Variants in ANKS1B observed in about 807,000 individuals in gnomAD.
ANKS1B encodes the protein ankyrin repeat and sterile alpha motif domain-containing protein 1B.
Under a neutral mutation model 148.3 loss-of-function variants are expected in ANKS1B, and 36 were observed. The ratio of observed to expected loss-of-function variants is 0.24; its 90% CI spans 0.19 to 0.32. ANKS1B has a LOEUF of 0.32. ANKS1B is among the 10% of genes least tolerant of loss of function. ANKS1B has a pLI of 1.00. For missense variants in ANKS1B, 1,157 were observed against 1,542.6 expected, an observed-to-expected ratio of 0.75 and a Z score of 4.19; for synonymous variants, 542 against 560.8, an observed-to-expected ratio of 0.97 and a Z score of 0.47.
At chr12:98,823,462 T>C (rs966188458) in intron 19 of ANKS1B, among the ~76,000 whole-genome samples, 19 of 152,186 alleles carry the variant, frequency 1.2e-4, no homozygotes, top group African/African-American at 4.8e-5. Flanking sequence ...GACACAGTAA[T>C]AGGAAAACTT....
At position 99,504,465 on chromosome 12, in the gene ANKS1B, A is replaced by T. The variant is rs762871802; in HGVS notation, c.1438+11T>A. 6.3e-7 allele frequency: 1 copy of T among 1,597,250 alleles called. No individual in the cohort carries two copies. The highest frequency in any genetic ancestry group is 8.6e-7 in the Non-Finnish European group (1 of 1,168,386). On this transcript the variant is annotated intron_variant, in intron 10 of 26. Coordinates refer to ENST00000683438, the MANE Select transcript of ANKS1B (RefSeq NM_001352186.2). ...AATTGAATCAGGCCAATTGTGAGTA[A>T]GAGATATTACCAGTTCTTGGGGAAG...
At chr12:99,115,154 C>T (rs1218545868) in intron 15 of ANKS1B, among the ~76,000 whole-genome samples, 1 of 152,120 alleles carries the variant, frequency 6.6e-6, no homozygotes, top group East Asian at 1.9e-4. Context: ...ATCATCCTCC[C>T]ATAAAGACAC....
intron 15 of ANKS1B, chr12:99,097,088 G>A (rs2056427724): frequency 6.6e-6 from 1 of 152,108 alleles, no homozygotes. Flanking sequence ...GCTAAGTGTT[G>A]AATAAAATAA....
chr12:99,605,855 G>T (rs961287135), intron 9 of ANKS1B, among the ~76,000 whole-genome samples: 1 of 152,028 alleles, frequency 6.6e-6, no homozygotes, highest in African/African-American at 2.4e-5. Context: ...ATACCCTGTA[G>T]TAAGATTCCT....
intron 9 of ANKS1B, among the ~76,000 whole-genome samples, chr12:99,652,094 CAT>C (rs1390165953): frequency 1.3e-5 from 2 of 149,756 alleles, no homozygotes; most frequent in African/African-American, 2.5e-5. Flanking sequence ...TATACACACA[CAT>C]ATACACACAC....
chr12:99,126,531 T>C (rs1194974869), intron 15 of ANKS1B, among the ~76,000 whole-genome samples: 1 of 152,180 alleles, frequency 6.6e-6, no homozygotes, highest in Non-Finnish European at 1.5e-5. Flanking sequence ...TCTGAATCAC[T>C]GAGTAAAACC....
intron 1 of ANKS1B, among the ~76,000 whole-genome samples, chr12:99,883,018 A>G (rs952067342): frequency 6.6e-6 from 1 of 152,226 alleles, no homozygotes; most frequent in Non-Finnish European, 1.5e-5. Context: ...GACTAAAAGA[A>G]AGTTCTTCAG....
intron 9 of ANKS1B, among the ~76,000 whole-genome samples, chr12:99,601,599 C>G (rs1393328259): frequency 6.6e-6 from 1 of 152,030 alleles, no homozygotes; most frequent in East Asian, 1.9e-4. Flanking sequence ...ATAAGGATCA[C>G]GGTCAACACT....
chr12:98,736,914 A>G (rs766775214), intron 9 of ANKS1B, among the ~76,000 whole-genome samples: 1 of 152,218 alleles, frequency 6.6e-6, no homozygotes, highest in Non-Finnish European at 1.5e-5. Context: ...CAGCAGAGGA[A>G]GCAATAAGTA....
intron 17 of ANKS1B, among the ~76,000 whole-genome samples, chr12:98,860,827 A>C (rs913867845): frequency 1.3e-5 from 2 of 152,202 alleles, no homozygotes; most frequent in Non-Finnish European, 2.9e-5. Flanking sequence ...GCACACGTTT[A>C]CCTATGTAAC....
intron 10 of ANKS1B, among the ~76,000 whole-genome samples, chr12:99,456,151 G>A (rs532953885): frequency 6.6e-6 from 1 of 152,186 alleles, no homozygotes; most frequent in South Asian, 2.1e-4. Flanking sequence ...AGCTCCACTG[G>A]GAGGCTAGAT....
intron 17 of ANKS1B, among the ~76,000 whole-genome samples, chr12:98,845,927 CT>C (rs889565826): frequency 9.4e-5 from 14 of 149,650 alleles, no homozygotes; most frequent in Admixed American, 2.0e-4. Flanking sequence ...TAAAAAGATA[CT>C]TTTTTTTCTG....
At chr12:99,903,212 A>T (rs1263033047) in intron 1 of ANKS1B, among the ~76,000 whole-genome samples, 2 of 152,200 alleles carry the variant, frequency 1.3e-5, no homozygotes, top group Non-Finnish European at 2.9e-5. Context: ...ATGACTGATG[A>T]CTTTATCTTA....
chr12:99,766,593 C>T (rs1400387507), intron 8 of ANKS1B, among the ~76,000 whole-genome samples: 1 of 152,092 alleles, frequency 6.6e-6, no homozygotes, highest in Non-Finnish European at 1.5e-5. Flanking sequence ...TTCCCTAATT[C>T]TTGCAAAACC....
chr12:99,952,813 T>C (rs1427908331), intron 1 of ANKS1B, among the ~76,000 whole-genome samples: 1 of 152,234 alleles, frequency 6.6e-6, no homozygotes, highest in African/African-American at 2.4e-5. Context: ...TTATTTTTCA[T>C]CTTCCAAAAT....
chr12:98,871,713 C>A (rs2099670180), intron 17 of ANKS1B, among the ~76,000 whole-genome samples: 1 of 151,778 alleles, frequency 6.6e-6, no homozygotes, highest in African/African-American at 2.4e-5. Flanking sequence ...ATTAAAAAAA[C>A]CATATTCTTT....
At position 99,053,258 on chromosome 12, in the gene ANKS1B, G is replaced by A. The variant is rs1328712846; in HGVS notation, c.2677C>T (p.Leu893=). The change falls in exon 17 of 27, where the codon CTG becomes TTG. Residue 893 remains leucine (L), a synonymous_variant. Transcript: ENST00000683438. ...TAGTCGCCCAGTTCAATGGAATCCA[G>A]CCACTCAGCTACAGAGGTGGGATGG... ...GYHPTSVAEW[L]DSIELGDYTK... 1 of 1,611,650 alleles carries A rather than the reference G, an allele frequency of 6.2e-7. No homozygotes were observed. The highest frequency in any genetic ancestry group is 1.1e-5 in the South Asian group (1 of 90,388).
At chr12:99,917,432 CT>C (rs1401855653) in intron 1 of ANKS1B, among the ~76,000 whole-genome samples, 3 of 152,138 alleles carry the variant, frequency 2.0e-5, no homozygotes, top group African/African-American at 4.8e-5. Context: ...CATATACTCC[CT>C]CTCACCAAGG....
intron 1 of ANKS1B, among the ~76,000 whole-genome samples, chr12:99,895,075 G>A (rs2093333218): frequency 6.6e-6 from 1 of 150,876 alleles, no homozygotes; most frequent in African/African-American, 2.4e-5. Flanking sequence ...CAGATATTTG[G>A]TCAAACATGA....
Sources: gnomAD v4.1 joint callset for allele counts (sites outside exome capture counted in the v4.1 genomes callset) on GRCh38, gnomAD v4.1.1 for gene constraint, MANE v1.5 for transcripts, NCBI Gene and HGNC (gene_info 2026-07-23, HGNC 2026-07-21) for gene names.